The following CDH6 variants were observed in gnomAD, a reference collection of about 807,000 sequenced individuals.
The protein encoded by CDH6 is cadherin-6.
In CDH6, 31 loss-of-function variants were observed where a neutral mutation model predicts 78.0. The observed-to-expected ratio is 0.40, with a 90% CI of 0.30 to 0.54. CDH6 has a LOEUF of 0.54. CDH6 is among the 20% of genes least tolerant of loss of function. The pLI, the probability that CDH6 is intolerant of heterozygous loss-of-function variation, is 0.56. For synonymous variants in CDH6, 376 were observed against 368.8 expected (o/e 1.02, Z -0.23); for missense variants, 724 against 975.9 (o/e 0.74, Z 3.44).
Position 31,294,296 on chromosome 5 carries a change from C to G in CDH6, c.523+40C>G, listed in dbSNP as rs1482860404. ...ACTTCAGCCAAAAGCTGGCTTTCCC[C>G]TAGTGCATCCACTGAGTAAGGAATC... On this transcript the variant is annotated intron_variant, in intron 3 of 11. Transcript: ENST00000265071. This position sits in a 1 kb window ranked among gnomAD's most constrained non-coding sequence, Gnocchi z 4.1. 1 of 1,550,626 alleles carries G rather than the reference C, an allele frequency of 6.4e-7. No homozygotes were observed. Among genetic ancestry groups the G allele is most frequent in the South Asian group, 1.2e-5 (1 of 83,354 alleles).
At chr5:31,237,748 A>T (rs925412659) in intron 1 of CDH6, among the ~76,000 whole-genome samples, 3 of 151,940 alleles carry the variant, frequency 2.0e-5, no homozygotes, top group African/African-American at 7.2e-5. Flanking sequence ...TTCCTTTCAC[A>T]TTTTTTTTCC....
At chr5:31,295,609 T>C (rs1387533419) in intron 3 of CDH6, among the ~76,000 whole-genome samples, 1 of 152,172 alleles carries the variant, frequency 6.6e-6, no homozygotes, top group Non-Finnish European at 1.5e-5. Flanking sequence ...TATCTCATTA[T>C]TGTGATTATA....
At chr5:31,199,663 G>A (rs1579804965) in intron 1 of CDH6, among the ~76,000 whole-genome samples, 1 of 85,424 alleles carries the variant, frequency 1.2e-5, no homozygotes, top group Admixed American at 1.4e-4. Flanking sequence ...GTATGTGTGT[G>A]TGTGTATGTG....
intron 1 of CDH6, among the ~76,000 whole-genome samples, chr5:31,226,339 T>C (rs1188484937): frequency 6.6e-6 from 1 of 152,074 alleles, no homozygotes; most frequent in East Asian, 1.9e-4. Context: ...CACGCCCAGC[T>C]AATTTTTGTA....
At position 31,294,308 on chromosome 5, in the gene CDH6, C is replaced by T. The variant is rs746874774; in HGVS notation, c.523+52C>T. On this transcript the variant is annotated intron_variant, in intron 3 of 11. Coordinates refer to ENST00000265071, the MANE Select transcript of CDH6 (RefSeq NM_004932.4). The surrounding 1 kb of genome is among the most constrained non-coding windows in gnomAD (Gnocchi z 4.1). ...AGCTGGCTTTCCCCTAGTGCATCCA[C>T]TGAGTAAGGAATCCCACGAGCTCAA... is the stretch of plus-strand genomic sequence containing the variant. The T allele has an allele frequency of 7.5e-6, 11 of 1,468,696 alleles. No homozygotes were observed. Among genetic ancestry groups the T allele is most frequent in the Non-Finnish European group, 1.0e-5 (11 of 1,069,722 alleles). 91.0% of individuals were successfully genotyped at this position (1,468,696 alleles called of 1,614,324 possible). A position where few individuals can be genotyped will look rare whatever the true frequency, so the allele number is the denominator to read the frequency against.
intron 1 of CDH6, among the ~76,000 whole-genome samples, chr5:31,249,043 G>A (rs1170882668): frequency 6.6e-6 from 1 of 152,060 alleles, no homozygotes. Flanking sequence ...ATAATGATGT[G>A]AGGTTATGCA....
chr5:31,203,261 T>C (rs1392472181), intron 1 of CDH6, among the ~76,000 whole-genome samples: 2 of 150,386 alleles, frequency 1.3e-5, no homozygotes, highest in Non-Finnish European at 3.0e-5. Flanking sequence ...TTTTTTATTA[T>C]TATACTTTAA....
intron 7 of CDH6, among the ~76,000 whole-genome samples, chr5:31,311,378 GT>G (rs770056551): frequency 3.9e-5 from 6 of 152,144 alleles, no homozygotes; most frequent in Non-Finnish European, 7.3e-5. Context: ...CCATATCATT[GT>G]CAGCATTTTG....
At chr5:31,232,779 G>GA (rs1296121683) in intron 1 of CDH6, among the ~76,000 whole-genome samples, 2 of 152,136 alleles carry the variant, frequency 1.3e-5, no homozygotes, top group Non-Finnish European at 1.5e-5. Flanking sequence ...ATCTGTTGAG[G>GA]AAATTATAAA....
intron 7 of CDH6, among the ~76,000 whole-genome samples, chr5:31,308,999 A>G: frequency 6.6e-6 from 1 of 152,234 alleles, no homozygotes; most frequent in South Asian, 2.1e-4. Flanking sequence ...ACGATGTGCT[A>G]TAAATATTTA....
intron 2 of CDH6, among the ~76,000 whole-genome samples, chr5:31,271,268 C>A (rs1037753047): frequency 6.6e-6 from 1 of 152,006 alleles, no homozygotes; most frequent in African/African-American, 2.4e-5. Flanking sequence ...GTGAGGGAAA[C>A]AAAAGGCTTT....
At position 31,313,336 on chromosome 5, in the gene CDH6, C is replaced by T; in HGVS notation, c.1272C>T (p.His424=). The change falls in exon 8 of 12, where the codon CAC becomes CAT. Residue 424 remains histidine (H), a synonymous_variant. Coordinates refer to ENST00000265071, the MANE Select transcript of CDH6 (RefSeq NM_004932.4). ...TTTTCAGGTACTCTGTAGATCGACACACAGATATGGACAGAATATTCAACA... is the reference window on the plus strand; with the variant it reads ...TTTTCAGGTACTCTGTAGATCGACATACAGATATGGACAGAATATTCAACA... ...RNPVKYSVDR[H]TDMDRIFNID... is the part of the protein sequence containing the mutation. The T allele has an allele frequency of 6.2e-7, 1 of 1,612,980 alleles. No individual in the cohort carries two copies.
chr5:31,264,609 T>A (rs1481847077), intron 1 of CDH6, among the ~76,000 whole-genome samples: 2 of 152,136 alleles, frequency 1.3e-5, no homozygotes, highest in Non-Finnish European at 1.5e-5. Flanking sequence ...AGGGGTTTTT[T>A]AAAAAAACTA....
At chr5:31,267,998 G>A (rs995654394) in intron 2 of CDH6, among the ~76,000 whole-genome samples, 6 of 152,148 alleles carry the variant, frequency 3.9e-5, no homozygotes, top group African/African-American at 1.4e-4. Context: ...ATGTGGTCTG[G>A]CTATTCTATA....
chr5:31,279,955 A>G (rs544046823), intron 2 of CDH6, among the ~76,000 whole-genome samples: 1 of 152,336 alleles, frequency 6.6e-6, no homozygotes, highest in Admixed American at 6.5e-5. Flanking sequence ...TGCCTCTTAA[A>G]GGAAAATAGA....
intron 1 of CDH6, among the ~76,000 whole-genome samples, chr5:31,235,461 T>C (rs1741431600): frequency 6.6e-6 from 1 of 152,170 alleles, no homozygotes; most frequent in Admixed American, 6.5e-5. Flanking sequence ...AGTCTTCTTC[T>C]ATTTGATTTT....
chr5:31,304,960 T>A (rs1390313594), intron 6 of CDH6, among the ~76,000 whole-genome samples: 1 of 152,162 alleles, frequency 6.6e-6, no homozygotes, highest in Non-Finnish European at 1.5e-5. Flanking sequence ...CTTCACAAAC[T>A]TTATAATCGT....
Position 31,324,478 on chromosome 5 carries a change from GA to G in CDH6, c.*1174del. 4.7e-6 allele frequency: 1 copy of G among 213,622 alleles called. No individual in the cohort carries two copies. The highest frequency in any genetic ancestry group is 7.1e-5 in the East Asian group (1 of 14,184). 13.2% of individuals were successfully genotyped at this position (213,622 alleles called of 1,614,324 possible). ...GGATAAACAACATTGAGATTATGATGAAAACCTACATATTCCATGTTTGGAA... is the reference window on the plus strand; with the variant it reads ...GGATAAACAACATTGAGATTATGATGAAACCTACATATTCCATGTTTGGAA... On this transcript the variant is annotated 3_prime_UTR_variant, in exon 12 of 12. Transcript: ENST00000265071.
intron 6 of CDH6, among the ~76,000 whole-genome samples, chr5:31,302,926 A>AGAAAGAAG (rs1737849447): frequency 7.9e-6 from 1 of 127,136 alleles, no homozygotes; most frequent in Non-Finnish European, 1.8e-5. Context: ...AAAGAAAGAA[A>AGAAAGAAG]GAAAGAAAGA....
Sources: allele counts gnomAD v4.1 joint callset (sites outside exome capture counted in the v4.1 genomes callset), GRCh38; gene constraint gnomAD v4.1.1; non-coding constraint Gnocchi (gnomAD v3.1); transcripts MANE v1.5; gene names NCBI Gene and HGNC (gene_info 2026-07-23, HGNC 2026-07-21).